Variants in CLSTN3 observed in about 807,000 individuals in gnomAD.
The protein encoded by CLSTN3 is calsyntenin-3.
CLSTN3 carries 36 observed loss-of-function variants against 95.9 expected under a neutral mutation model. That is an observed-to-expected ratio of 0.38 (90% CI 0.29 to 0.50). The LOEUF is 0.50. CLSTN3 is among the 20% of genes least tolerant of loss of function. The probability of loss-of-function intolerance (pLI) is 0.95; values close to 1 mark genes in which losing one functional copy is unlikely to be tolerated. For missense variants in CLSTN3, 1,084 were observed against 1,268.8 expected (o/e 0.85, Z 2.21); for synonymous variants, 481 against 504.0 (o/e 0.95, Z 0.61).
At chr12:7,142,740 T>TTTTC in intron 10 of CLSTN3, 129 bp from the exon 11 acceptor site, 1 of 640,868 alleles carries the variant, frequency 1.6e-6, no homozygotes, top group Non-Finnish European at 2.5e-6. Context: ...TTTTTTGGTT[T>TTTTC]CCACATTTCT....
At chr12:7,139,660 T>A (rs765060516) in intron 8 of CLSTN3, among the ~76,000 whole-genome samples, 1,960 of 151,802 alleles carry the variant, frequency 0.013, 28 homozygotes, top group African/African-American at 0.035. Context: ...ATTATTATTT[T>A]TTTTTTTGAG....
Position 7,149,072 on chromosome 12 carries a change from CATT to C in CLSTN3, c.1949_1951del (p.His650_Phe651delinsLeu). The C allele has an allele frequency of 6.2e-7, 1 of 1,614,234 alleles. No individual in the cohort carries two copies. Among genetic ancestry groups the C allele is most frequent in the Non-Finnish European group, 8.5e-7 (1 of 1,180,036 alleles). ...CCAGATCCTGCTGAGTGGCACTGCT[CATT>C]TTGCCCGCCCAGCTGTGGACTTTGA... On this transcript the variant is annotated inframe_deletion, in exon 13 of 18. Coordinates refer to ENST00000266546, the MANE Select transcript of CLSTN3 (RefSeq NM_014718.4). The surrounding 1 kb of genome is among the most constrained non-coding windows in gnomAD (Gnocchi z 4.5).
rs147540436 is a variant in CLSTN3, at chr12:7,133,550, C to G, written c.188-23C>G. On this transcript the variant is annotated intron_variant, in intron 2 of 17. Transcript: ENST00000266546. This position sits in a 1 kb window ranked among gnomAD's most constrained non-coding sequence, Gnocchi z 4.7. Reference sequence around the variant, plus strand: ...GGGAAGGAGACACAGCAGCCTCACTCCTCCCCTTCTCCCCTTTGCCAGGTG... The same window carrying G: ...GGGAAGGAGACACAGCAGCCTCACTGCTCCCCTTCTCCCCTTTGCCAGGTG... 2,733 of 1,612,352 alleles carry G rather than the reference C, an allele frequency of 1.7e-3. 25 individuals are homozygous for G. In the African/African-American group the frequency reaches 0.024, roughly 14 times the overall value.
chr12:7,129,706 C>G (rs1392609979), upstream of CLSTN3: 1 of 985,472 alleles, frequency 1.0e-6, no homozygotes, highest in African/African-American at 1.7e-5. The surrounding 1 kb of genome is among the most constrained non-coding windows in gnomAD (Gnocchi z 5.5). Flanking sequence ...CCAATTCTCT[C>G]TCGAACCTGC....
At position 7,157,738 on chromosome 12, in the gene CLSTN3, G is replaced by C; in HGVS notation, c.2730+47G>C. Reference sequence around the variant, plus strand: ...GGTTCTGTAGGGTCAAGACTGTGGAGCACACACGGTGAGGACTCCTGAGGA... The same window carrying C: ...GGTTCTGTAGGGTCAAGACTGTGGACCACACACGGTGAGGACTCCTGAGGA... On this transcript the variant is annotated intron_variant, in intron 17 of 17. Coordinates refer to ENST00000266546, the MANE Select transcript of CLSTN3 (RefSeq NM_014718.4). This position sits in a 1 kb window ranked among gnomAD's most constrained non-coding sequence, Gnocchi z 5.9. 2 of 1,538,662 alleles carry C rather than the reference G, an allele frequency of 1.3e-6. No homozygotes were observed. Among genetic ancestry groups the C allele is most frequent in the Non-Finnish European group, 1.8e-6 (2 of 1,138,080 alleles).
chr12:7,149,798 C>A lies in CLSTN3; in HGVS notation c.2245+105C>A. 9.2e-7 allele frequency: 1 copy of A among 1,089,524 alleles called. No individual in the cohort carries two copies. Among genetic ancestry groups the A allele is most frequent in the Non-Finnish European group, 1.3e-6 (1 of 767,154 alleles). The allele number at this position is 1,089,524 out of a possible 1,614,324, so 67.5% of individuals were successfully genotyped here. A position where few individuals can be genotyped will look rare whatever the true frequency, so the allele number is the denominator to read the frequency against. On this transcript the variant is annotated intron_variant, in intron 14 of 17. Coordinates refer to ENST00000266546, the MANE Select transcript of CLSTN3 (RefSeq NM_014718.4). This position sits in a 1 kb window ranked among gnomAD's most constrained non-coding sequence, Gnocchi z 4.5. ...CTCCTTCCAGGTCCAGGGATGTGGA[C>A]AAGTGCCGTTTTGCATTTTCCTAGC...
chr12:7,137,341 T>G lies in CLSTN3; in HGVS notation c.1210+231T>G. On this transcript the variant is annotated intron_variant, in intron 7 of 17. Transcript: ENST00000266546. This position sits in a 1 kb window ranked among gnomAD's most constrained non-coding sequence, Gnocchi z 4.4. ...CCTTGCTGCTACTCTTGTTTTCAGT[T>G]GCCCAGTCAACTTCTCTGTGTCCCA... 1.9e-6 allele frequency: 1 copy of G among 540,456 alleles called. No individual in the cohort carries two copies. Among genetic ancestry groups the G allele is most frequent in the Non-Finnish European group, 3.3e-6 (1 of 301,780 alleles). 33.5% of individuals were successfully genotyped at this position (540,456 alleles called of 1,614,324 possible).
intron 12 of CLSTN3, among the ~76,000 whole-genome samples, chr12:7,143,762 G>C (rs1939573506): frequency 6.6e-6 from 1 of 152,174 alleles, no homozygotes; most frequent in Non-Finnish European, 1.5e-5. Flanking sequence ...CTAAGTCTGG[G>C]GGTTGGCAGT....
Position 7,130,693 on chromosome 12 carries a change from G to C in CLSTN3, c.45G>C (p.Ala15=), listed in dbSNP as rs1939281001. The C allele has an allele frequency of 6.4e-7, 1 of 1,572,540 alleles. No individual in the cohort carries two copies. Among genetic ancestry groups the C allele is most frequent in the Non-Finnish European group, 8.6e-7 (1 of 1,157,972 alleles). Residue 15 remains alanine, a synonymous_variant, in exon 1 of 18, where the codon GCG becomes GCC. Coordinates refer to ENST00000266546, the MANE Select transcript of CLSTN3 (RefSeq NM_014718.4). The part of the protein sequence containing the change: ...LLPLLLASLL[A]SCSCNKANKH... ...CCCTTCTGCTGGCCTCTCTGCTCGC[G>C]TCCTGCTCCTGTAACAAAGGTGAGT...
rs2290236 is a variant in CLSTN3, at chr12:7,137,163, G to A, written c.1210+53G>A. 1.4e-3 allele frequency: 2,186 copies of A among 1,539,542 alleles called. 36 individuals are homozygous for A. In the East Asian group the frequency reaches 0.036, roughly 25 times the overall value. Reference sequence around the variant, plus strand: ...GAGGGGGAAACTGGCTTCTTGTCCCGCCTCTGTCACTGCCCAGTGTGTGAC... The same window carrying A: ...GAGGGGGAAACTGGCTTCTTGTCCCACCTCTGTCACTGCCCAGTGTGTGAC... On this transcript the variant is annotated intron_variant, in intron 7 of 17. Transcript: ENST00000266546. The surrounding 1 kb of genome is among the most constrained non-coding windows in gnomAD (Gnocchi z 4.4).
chr12:7,140,110 C>A (rs745336808), intron 8 of CLSTN3, among the ~76,000 whole-genome samples: 1 of 152,250 alleles, frequency 6.6e-6, no homozygotes, highest in African/African-American at 2.4e-5. Flanking sequence ...AAACCTGCAG[C>A]TTGTAGCTCT....
chr12:7,143,198 G>A lies in CLSTN3; in HGVS notation c.1734G>A (p.Leu578=). ...ACCCCTCACAGTCCCTGCTCACCCT[G>A]GAGGGGGATGATGTGGAGACCTTCA... is the stretch of plus-strand genomic sequence containing the variant. ...HVNPSQSLLT[L]EGDDVETFNH... is the part of the protein sequence containing the mutation. The change falls in exon 12 of 18, where the codon CTG becomes CTA. Residue 578 remains leucine, a synonymous_variant. Coordinates refer to ENST00000266546, the MANE Select transcript of CLSTN3 (RefSeq NM_014718.4). 6.2e-7 allele frequency: 1 copy of A among 1,614,096 alleles called. No homozygotes were observed. Among genetic ancestry groups the A allele is most frequent in the Non-Finnish European group, 8.5e-7 (1 of 1,180,006 alleles).
At position 7,141,346 on chromosome 12, in the gene CLSTN3, T is replaced by C. The variant is rs1362900616; in HGVS notation, c.1428T>C (p.Asn476=). Residue 476 remains asparagine, a synonymous_variant, in exon 9 of 18, where the codon AAT becomes AAC. Coordinates refer to ENST00000266546, the MANE Select transcript of CLSTN3 (RefSeq NM_014718.4). This position sits in a 1 kb window ranked among gnomAD's most constrained non-coding sequence, Gnocchi z 4.1. ...TCGACCCTGCCCTCATCCATGACAA[T>C]GGCCTCATCCACCCACCCCGAAGGG... ...ISFDPALIHD[N]GLIHPPRREP... 1 of 1,614,036 alleles carries C rather than the reference T, an allele frequency of 6.2e-7. No individual in the cohort carries two copies. The highest frequency in any genetic ancestry group is 1.3e-5 in the African/African-American group (1 of 74,928).
intron 5 of CLSTN3, 99 bp downstream of exon 5, chr12:7,136,052 G>A: frequency 6.6e-7 from 1 of 1,513,572 alleles, no homozygotes. Flanking sequence ...CTAGGGCTTG[G>A]ATGATATTGG....
chr12:7,150,597 C>T lies in CLSTN3; in HGVS notation c.2299C>T (p.Leu767=), dbSNP rs375253373. The T allele has an allele frequency of 2.7e-5, 43 of 1,613,898 alleles. 1 individual carries two copies. The highest frequency in any genetic ancestry group is 1.3e-4 in the South Asian group (12 of 91,090). ...EEILRQARYR[L]RHGAALYTRK... is the part of the protein sequence containing the mutation. ...GATCCTGAGGCAGGCTCGTTATCGG[C>T]TGCGACACGGAGCTGCCCTCTACAC... Residue 767 remains leucine, a synonymous_variant, in exon 15 of 18, where the codon CTG becomes TTG. Coordinates refer to ENST00000266546, the MANE Select transcript of CLSTN3 (RefSeq NM_014718.4). The surrounding 1 kb of genome is among the most constrained non-coding windows in gnomAD (Gnocchi z 4.0).
chr12:7,135,979 C>G, intron 5 of CLSTN3, 26 bp downstream of exon 5: 9 of 1,572,452 alleles, frequency 5.7e-6, no homozygotes, highest in Non-Finnish European at 7.7e-6. Flanking sequence ...TGTGCCCCAT[C>G]TTGTGAATCA....
In CLSTN3 at chr12:7,150,063, C is replaced by T. The variant is rs953571925; in HGVS notation, c.2245+370C>T. Among the ~76,000 whole-genome samples the T allele has an allele frequency of 6.6e-6, 1 of 152,208 alleles. No homozygotes were observed. The highest frequency in any genetic ancestry group is 2.4e-5 in the African/African-American group (1 of 41,450). ...TCTGTTGTTCAGCTCACTCATCTCACGTGCACACCAGAGCTTTACAAGAAG... is the reference window on the plus strand; with the variant it reads ...TCTGTTGTTCAGCTCACTCATCTCATGTGCACACCAGAGCTTTACAAGAAG... On this transcript the variant is annotated intron_variant, in intron 14 of 17. Transcript: ENST00000266546. The surrounding 1 kb of genome is among the most constrained non-coding windows in gnomAD (Gnocchi z 4.0).
At chr12:7,134,861 C>T (rs972166677) in intron 3 of CLSTN3, among the ~76,000 whole-genome samples, 1 of 152,178 alleles carries the variant, frequency 6.6e-6, no homozygotes, top group Non-Finnish European at 1.5e-5. Flanking sequence ...CCTTGTTCCT[C>T]ATCCCCTACA....
rs752867947 is a variant in CLSTN3 at position 7,135,835 on chromosome 12, C to T, written c.624C>T (p.Tyr208=). 1.6e-4 allele frequency: 254 copies of T among 1,612,830 alleles called. No homozygotes were observed. Among genetic ancestry groups the T allele is most frequent in the Non-Finnish European group, 2.0e-4 (234 of 1,179,392 alleles). Residue 208 remains tyrosine, a synonymous_variant, in exon 5 of 18, where the codon TAC becomes TAT. Coordinates refer to ENST00000266546, the MANE Select transcript of CLSTN3 (RefSeq NM_014718.4). ...GNIENTEKLQ[Y]SGERLYKFTV... is the part of the protein sequence containing the mutation. ...TTGAGAACACAGAGAAGCTGCAGTACAGTGGTGAGAGGCTCTATAAGTTTA... is the reference window on the plus strand; with the variant it reads ...TTGAGAACACAGAGAAGCTGCAGTATAGTGGTGAGAGGCTCTATAAGTTTA...
Sources: allele counts gnomAD v4.1 joint callset (sites outside exome capture counted in the v4.1 genomes callset), GRCh38; gene constraint gnomAD v4.1.1; non-coding constraint Gnocchi (gnomAD v3.1); transcripts MANE v1.5; gene names NCBI Gene and HGNC (gene_info 2026-07-23, HGNC 2026-07-21).